The following STK36 variants were observed in gnomAD, a reference collection of about 807,000 sequenced individuals.
STK36 encodes serine/threonine-protein kinase 36.
STK36 carries 116 observed loss-of-function variants against 142.2 expected under a neutral mutation model. The observed-to-expected ratio is 0.82, with a 90% CI of 0.70 to 0.95. STK36 has a LOEUF of 0.95. Ranked by LOEUF, STK36 falls within the 40% of genes least tolerant of loss-of-function variation. The probability of loss-of-function intolerance (pLI) is 0.00; values close to 1 mark genes in which losing one functional copy is unlikely to be tolerated. For synonymous variants in STK36, 619 were observed against 641.7 expected (o/e 0.96, Z 0.53); for missense variants, 1,422 against 1,617.2 (o/e 0.88, Z 2.07).
At chr2:218,696,920 A>G in intron 22 of STK36, 119 bp from the exon 23 acceptor site, 2 of 1,395,862 alleles carry the variant, frequency 1.4e-6, no homozygotes. Flanking sequence ...TAGGTGGGAA[A>G]GCGGAAGGAA....
rs1575121525 is a variant in STK36 at position 218,676,267 on chromosome 2, C to T, written c.673C>T (p.Pro225Ser). 1 of 1,614,146 alleles carries T rather than the reference C, an allele frequency of 6.2e-7. No homozygotes were observed. Among genetic ancestry groups the T allele is most frequent in the East Asian group, 2.2e-5 (1 of 44,890 alleles). ...TGTGCGCTGGCCCTCAACCATCAGT[C>T]CCTGCTTTAAGGTAATGAATATTGA... ...DPVRWPSTIS[P>S]CFKNFLQGLL... Residue 225 changes from proline (P) to serine (S), a missense_variant, in exon 6 of 27, where the codon CCC (proline) becomes TCC (serine). Pro to Ser is a moderately conservative substitution (Grantham distance 74). Coordinates refer to ENST00000295709, the MANE Select transcript of STK36 (RefSeq NM_015690.5).
rs755081647 is a variant in STK36, at chr2:218,675,445, G to A, written c.406G>A (p.Gly136Ser). Residue 136 changes from glycine (G) to serine (S), a missense_variant, in exon 5 of 27, where the codon GGT (glycine) becomes AGT (serine). Gly to Ser is a moderately conservative substitution (Grantham distance 56). Coordinates refer to ENST00000295709, the MANE Select transcript of STK36 (RefSeq NM_015690.5). ...GCCTCAGAACATCCTCCTCGCCAAGGGTGGTGGCATCAAGCTCTGTGACTT... is the reference window on the plus strand; with the variant it reads ...GCCTCAGAACATCCTCCTCGCCAAGAGTGGTGGCATCAAGCTCTGTGACTT... ...MKPQNILLAKGGGIKLCDFGF... is the reference protein window; with the variant it reads ...MKPQNILLAKSGGIKLCDFGF... The A allele has an allele frequency of 6.2e-7, 1 of 1,613,108 alleles. No homozygotes were observed. Among genetic ancestry groups the A allele is most frequent in the African/African-American group, 1.3e-5 (1 of 74,726 alleles).
chr2:218,691,935 A>C (rs1290589685), intron 14 of STK36, among the ~76,000 whole-genome samples: 1 of 152,234 alleles, frequency 6.6e-6, no homozygotes, highest in Admixed American at 6.5e-5. Context: ...TGATCAGAGA[A>C]TAGAAGGATT....
intron 23 of STK36, 69 bp downstream of exon 23, chr2:218,697,282 G>A: frequency 1.3e-6 from 2 of 1,552,556 alleles, no homozygotes; most frequent in South Asian, 2.5e-5. Context: ...GCCCAGAACT[G>A]GGTTAACCCA....
intron 11 of STK36, among the ~76,000 whole-genome samples, chr2:218,687,022 G>A (rs115639717): frequency 0.022 from 3,359 of 152,270 alleles, 125 homozygotes; most frequent in African/African-American, 0.074. Flanking sequence ...GATGAATGTT[G>A]AACATCTTTT....
chr2:218,688,146 G>C (rs1399089304), intron 11 of STK36, among the ~76,000 whole-genome samples: 1 of 152,200 alleles, frequency 6.6e-6, no homozygotes, highest in Non-Finnish European at 1.5e-5. Flanking sequence ...GAGGACAAGA[G>C]TGAAACTCTG....
intron 1 of STK36, chr2:218,672,458 A>C: frequency 3.5e-6 from 1 of 288,310 alleles, no homozygotes; most frequent in Non-Finnish European, 6.7e-6. Flanking sequence ...CTTGGGGGAG[A>C]CTCAAAGGAG....
intron 26 of STK36, among the ~76,000 whole-genome samples, chr2:218,700,658 C>T (rs1318228092): frequency 6.6e-6 from 1 of 151,658 alleles, no homozygotes; most frequent in African/African-American, 2.4e-5. Flanking sequence ...GCCTCAGCCT[C>T]CCAAAGTGTT....
rs1238948941 is a variant in STK36, at chr2:218,699,075, C to T, written c.3531C>T (p.Gly1177=). 2 of 1,613,896 alleles carry T rather than the reference C, an allele frequency of 1.2e-6. No homozygotes were observed. The highest frequency in any genetic ancestry group is 1.7e-6 in the Non-Finnish European group (2 of 1,180,032). The change falls in exon 26 of 27, where the codon GGC becomes GGT. Residue 1177 remains glycine (G), a synonymous_variant. Coordinates refer to ENST00000295709, the MANE Select transcript of STK36 (RefSeq NM_015690.5). ...VVRCSASFAV[G]NAAYQAGPLG... ...GGTGCAGTGCCAGCTTTGCTGTGGG[C>T]AATGCAGCCTACCAGGCTGGTCCTC...
Position 218,694,351 on chromosome 2 carries a change from C to A in STK36, c.2400+24C>A. 1 of 1,606,848 alleles carries A rather than the reference C, an allele frequency of 6.2e-7. No homozygotes were observed. Among genetic ancestry groups the A allele is most frequent in the Non-Finnish European group, 8.5e-7 (1 of 1,173,430 alleles). ...TGGTAAGTTTTTAACCTTCACCCTC[C>A]TCCCCTTTTCACCCTAGCATCTACC... On this transcript the variant is annotated intron_variant, in intron 20 of 26. Transcript: ENST00000295709. The surrounding 1 kb of genome is among the most constrained non-coding windows in gnomAD (Gnocchi z 4.4).
chr2:218,690,160 C>T (rs1940940683), intron 13 of STK36, among the ~76,000 whole-genome samples: 1 of 151,956 alleles, frequency 6.6e-6, no homozygotes, highest in Admixed American at 6.6e-5. Context: ...TTCTAAGAGT[C>T]AGCAGTCACC....
chr2:218,697,830 T>C, intron 24 of STK36, 24 bp from the exon 25 acceptor site: 2 of 1,614,108 alleles, frequency 1.2e-6, no homozygotes, highest in Non-Finnish European at 1.7e-6. Context: ...CAAGACCAAG[T>C]CTCTTCGACA....
At position 218,694,581 on chromosome 2, in the gene STK36, C is replaced by T. The variant is rs1374887761; in HGVS notation, c.2457C>T (p.Leu819=). ...GTCAGCAAGGGGTGACCTTTGACCTCCAGCCCATGGAATGGATGGCTGCAG... is the reference window on the plus strand; with the variant it reads ...GTCAGCAAGGGGTGACCTTTGACCTTCAGCCCATGGAATGGATGGCTGCAG... The part of the protein sequence containing the change: ...QLGQQGVTFD[L]QPMEWMAAAT... The change falls in exon 21 of 27, where the codon CTC becomes CTT. Residue 819 remains leucine, a synonymous_variant. Coordinates refer to ENST00000295709, the MANE Select transcript of STK36 (RefSeq NM_015690.5). The surrounding 1 kb of genome is among the most constrained non-coding windows in gnomAD (Gnocchi z 4.4). 2 of 1,614,214 alleles carry T rather than the reference C, an allele frequency of 1.2e-6. No individual in the cohort carries two copies. Among genetic ancestry groups the T allele is most frequent in the Non-Finnish European group, 1.7e-6 (2 of 1,180,042 alleles).
rs150019650 is a variant in STK36, at chr2:218,682,869, A to G, written c.1236+2167A>G. ...CAGCCTCACAAAGTGCTGGGATTAC[A>G]GTGAGCCACTGTGCCCAGCCCACAC... On this transcript the variant is annotated intron_variant, in intron 10 of 26. Transcript: ENST00000295709. 5.9e-3 allele frequency among the ~76,000 whole-genome samples: 895 copies of G among 152,278 alleles called. 11 individuals carry two copies. The highest frequency in any genetic ancestry group is 0.02 in the African/African-American group (825 of 41,536).
chr2:218,679,839 T>C (rs1940430645), intron 8 of STK36, 54 bp from the exon 9 acceptor site: 3 of 1,602,190 alleles, frequency 1.9e-6, no homozygotes, highest in African/African-American at 2.7e-5. Flanking sequence ...GCATTCATAT[T>C]GTCCTATAGC....
rs1232943045 is a variant in STK36, at chr2:218,676,047, C to T, written c.453C>T (p.Ser151=). 1 of 1,614,084 alleles carries T rather than the reference C, an allele frequency of 6.2e-7. No homozygotes were observed. The highest frequency in any genetic ancestry group is 2.2e-5 in the East Asian group (1 of 44,890). Residue 151 remains serine, a synonymous_variant, in exon 6 of 27, where the codon AGC becomes AGT. Transcript: ENST00000295709. ...TCTGCAGATTTGCCCGGGCTATGAG[C>T]ACCAATACAATGGTGCTGACATCCA... The part of the protein sequence containing the change: ...LCDFGFARAM[S]TNTMVLTSIK...
chr2:218,677,745 CAGT>C (rs1684440632), intron 6 of STK36, among the ~76,000 whole-genome samples: 1 of 152,164 alleles, frequency 6.6e-6, no homozygotes, highest in African/African-American at 2.4e-5. Context: ...GTGACTAAGT[CAGT>C]AGTCTGGAGG....
At chr2:218,688,282 A>G (rs1940854828) in intron 11 of STK36, 17 of 444,678 alleles carry the variant, frequency 3.8e-5, no homozygotes, top group South Asian at 2.6e-4. Context: ...ACCCTGATCT[A>G]GAGTTGAATA....
chr2:218,701,841 CT>C (rs769921690), intron 26 of STK36, 24 bp from the exon 27 acceptor site: 1 of 1,613,044 alleles, frequency 6.2e-7, no homozygotes, highest in Non-Finnish European at 8.5e-7. Context: ...ATGTTCTGTT[CT>C]ATCATCTGTT....
Sources: gnomAD v4.1 joint callset for allele counts (sites outside exome capture counted in the v4.1 genomes callset) on GRCh38, gnomAD v4.1.1 for gene constraint, Gnocchi (gnomAD v3.1) non-coding constraint, MANE v1.5 for transcripts, NCBI Gene and HGNC (gene_info 2026-07-23, HGNC 2026-07-21) for gene names.